The following RIMKLB variants were observed in gnomAD, a reference collection of about 807,000 sequenced individuals.
RIMKLB encodes the protein beta-citrylglutamate synthase B.
A neutral mutation model predicts 32.0 loss-of-function variants in RIMKLB; 7 were observed. The ratio of observed to expected loss-of-function variants is 0.22; its 90% confidence interval spans 0.12 to 0.41. The LOEUF is 0.41. Ranked by LOEUF, RIMKLB falls within the 10% of genes least tolerant of loss-of-function variation. The pLI, the probability that RIMKLB is intolerant of heterozygous loss-of-function variation, is 1.00. For missense variants in RIMKLB, 289 were observed against 498.7 expected, an observed-to-expected ratio of 0.58 and a Z score of 4.00; for synonymous variants, 172 against 185.1, an observed-to-expected ratio of 0.93 and a Z score of 0.57.
At chr12:8,766,098 G>C (rs1010983104) in intron 5 of RIMKLB, among the ~76,000 whole-genome samples, 1 of 151,846 alleles carries the variant, frequency 6.6e-6, no homozygotes, top group Admixed American at 6.6e-5. Flanking sequence ...TTGCCTTGGG[G>C]GGAATGTTTC....
chr12:8,782,853 C>G (rs781020677), intron 7 of RIMKLB: 136 of 151,932 alleles, frequency 9.0e-4, no homozygotes, highest in African/African-American at 3.1e-3. Context: ...TTTTTCTTAT[C>G]CTGGTTATAG....
intron 1 of RIMKLB, among the ~76,000 whole-genome samples, chr12:8,690,575 T>A (rs1396893547): frequency 1.6e-4 from 24 of 152,236 alleles, no homozygotes; most frequent in Non-Finnish European, 5.9e-5. Context: ...GCTAGCTGAG[T>A]GACTTCGGAC....
intron 1 of RIMKLB, among the ~76,000 whole-genome samples, chr12:8,710,667 T>G (rs1944299223): frequency 6.6e-6 from 1 of 152,128 alleles, no homozygotes; most frequent in South Asian, 2.1e-4. Context: ...TTTTCTGATT[T>G]CAGAATCATC....
At chr12:8,673,131 C>G in the RIMKLB span, among the ~76,000 whole-genome samples, 1 of 152,108 alleles carries the variant, frequency 6.6e-6, no homozygotes. Context: ...ATCTACCTGC[C>G]TTGGCCTCCC....
chr12:8,737,641 T>C (rs1175219937), intron 2 of RIMKLB, among the ~76,000 whole-genome samples: 1 of 152,146 alleles, frequency 6.6e-6, no homozygotes, highest in Non-Finnish European at 1.5e-5. Context: ...CAAAATGGAT[T>C]TTCCCCCCCT....
intron 2 of RIMKLB, among the ~76,000 whole-genome samples, chr12:8,716,186 T>G (rs1176105430): frequency 6.6e-6 from 1 of 152,146 alleles, no homozygotes; most frequent in African/African-American, 2.4e-5. Flanking sequence ...GAGGTAGAAA[T>G]GGGCATCTCT....
chr12:8,755,903 CA>C (rs746493181), intron 5 of RIMKLB, among the ~76,000 whole-genome samples: 169 of 152,194 alleles, frequency 1.1e-3, no homozygotes, highest in African/African-American at 3.7e-3. Flanking sequence ...CCTGTAATTC[CA>C]GCACTTTCGT....
upstream of RIMKLB, chr12:8,697,782 T>C: frequency 5.8e-6 from 1 of 173,692 alleles, no homozygotes; most frequent in South Asian, 7.6e-5. Context: ...GACGCAGGTG[T>C]CAGATCCGCT....
At chr12:8,723,804 CTTTTTTTTTT>C (rs35269536) in intron 2 of RIMKLB, among the ~76,000 whole-genome samples, 4 of 75,520 alleles carry the variant, frequency 5.3e-5, no homozygotes, top group East Asian at 4.1e-4. Flanking sequence ...CTTCAGTTCC[CTTTTTTTTTT>C]TTTTTTTTTT....
chr12:8,713,981 C>G lies in RIMKLB; in HGVS notation c.115C>G (p.Leu39Val). Residue 39 changes from leucine (L) to valine (V), a missense_variant, in exon 2 of 6, where the codon CTG becomes GTG. Leu to Val is a conservative substitution (Grantham distance 32). Transcript: ENST00000535829. ...ALKAKCCEEE[L>V]DFRAVVMDEV... The stretch of plus-strand genomic sequence containing the variant: ...GAAGGCCAAATGTTGTGAGGAGGAA[C>G]TGGACTTTAGGGCTGTGGTGATGGA... 16 of 1,613,994 alleles carry G rather than the reference C, an allele frequency of 9.9e-6. No homozygotes were observed. The highest frequency in any genetic ancestry group is 1.4e-5 in the Non-Finnish European group (16 of 1,179,980).
rs754631863 is a variant in RIMKLB, at chr12:8,745,693, CT to C, written c.176-4151del. 5.5e-3 allele frequency among the ~76,000 whole-genome samples: 751 copies of C among 136,006 alleles called. 1 individual carries two copies. Among genetic ancestry groups the C allele is most frequent in the East Asian group, 0.017 (82 of 4,770 alleles). The allele number at this position is 136,006 out of a possible 152,430, so 89.2% of individuals were successfully genotyped here. ...ACAGGCGTGAGCCACTGCACCCAGC[CT>C]TTTTTTTTTTTTTTTTTAAACACAG... On this transcript the variant is annotated intron_variant, in intron 2 of 5. Transcript: ENST00000535829.
At chr12:8,747,761 T>TG (rs1054038885) in intron 2 of RIMKLB, among the ~76,000 whole-genome samples, 22 of 148,906 alleles carry the variant, frequency 1.5e-4, no homozygotes, top group Admixed American at 1.1e-3. Flanking sequence ...CTGGTACAAT[T>TG]TTTTTTTTTT....
chr12:8,751,998 G>A lies in RIMKLB; in HGVS notation c.448G>A (p.Val150Ile). 6.2e-7 allele frequency: 1 copy of A among 1,613,756 alleles called. No homozygotes were observed. The highest frequency in any genetic ancestry group is 8.5e-7 in the Non-Finnish European group (1 of 1,179,740). The part of the protein sequence containing the change: ...NFAKMIDEAE[V>I]LEFPMVVKNT... ...TGCTAAAATGATTGATGAGGCTGAAGTTCTGGAGTTCCCAATGGTAGTAAA... is the reference window on the plus strand; with the variant it reads ...TGCTAAAATGATTGATGAGGCTGAAATTCTGGAGTTCCCAATGGTAGTAAA... Residue 150 changes from valine (V) to isoleucine (I), a missense_variant, in exon 4 of 6, where the codon GTT (valine) becomes ATT (isoleucine). By Grantham distance (29) the Val-to-Ile change is conservative (BLOSUM62 3). Around this residue, in one of 3 missense-constraint regions of RIMKLB, gnomAD observed 156 missense variants for 329.5 expected, o/e 0.47. Coordinates refer to ENST00000535829, the MANE Select transcript of RIMKLB (RefSeq NM_001297776.2).
intron 1 of RIMKLB, among the ~76,000 whole-genome samples, chr12:8,709,468 C>T (rs938562679): frequency 6.6e-6 from 1 of 152,260 alleles, no homozygotes; most frequent in Non-Finnish European, 1.5e-5. Context: ...CAGAAGCAGG[C>T]AGGCACGCCT....
downstream of RIMKLB, chr12:8,777,578 G>A: frequency 7.8e-7 from 1 of 1,285,878 alleles, no homozygotes; most frequent in Non-Finnish European, 1.0e-6. Context: ...CACTGTTACT[G>A]TTCTTTACCA....
intron 1 of RIMKLB, among the ~76,000 whole-genome samples, chr12:8,703,079 A>G (rs757922035): frequency 6.6e-6 from 1 of 152,310 alleles, no homozygotes; most frequent in African/African-American, 2.4e-5. Flanking sequence ...TAAGGCCAGG[A>G]GTTTGAGACC....
At chr12:8,745,012 C>T (rs1358128714) in intron 2 of RIMKLB, among the ~76,000 whole-genome samples, 1 of 151,866 alleles carries the variant, frequency 6.6e-6, no homozygotes. Context: ...CACCTGCCAA[C>T]GGGCCCGGTG....
At chr12:8,729,010 G>A (rs898223650) in intron 2 of RIMKLB, among the ~76,000 whole-genome samples, 10 of 152,246 alleles carry the variant, frequency 6.6e-5, no homozygotes, top group Admixed American at 2.0e-4. Flanking sequence ...ACAGGTAAGC[G>A]GGTGCAGGAG....
At chr12:8,678,031 C>T (rs995486826), upstream of RIMKLB, among the ~76,000 whole-genome samples, 1 of 151,838 alleles carries the variant, frequency 6.6e-6, no homozygotes, top group African/African-American at 2.4e-5. Context: ...ATCAGCTCAC[C>T]TTAGCCTCCC....
Sources: gnomAD v4.1 joint callset for allele counts (sites outside exome capture counted in the v4.1 genomes callset) on GRCh38, gnomAD v4.1.1 for gene constraint, gnomAD v4.1.1 regional missense constraint, MANE v1.5 for transcripts, NCBI Gene and HGNC (gene_info 2026-07-23, HGNC 2026-07-21) for gene names.